The following NRG1 variants were observed in gnomAD, a reference collection of about 807,000 sequenced individuals.
NRG1 encodes the protein pro-neuregulin-1, membrane-bound isoform.
Under a neutral mutation model 63.8 loss-of-function variants are expected in NRG1, and 18 were observed. That is an observed-to-expected ratio of 0.28 (90% CI 0.19 to 0.42). The LOEUF is 0.42. Among genes scored for constraint, NRG1 ranks in the 10% least tolerant of loss-of-function variants. The pLI is 1.00. For synonymous variants in NRG1, 302 were observed against 301.3 expected (o/e 1.00, Z -0.02); for missense variants, 762 against 814.7 (o/e 0.94, Z 0.79).
intron 1 of NRG1, among the ~76,000 whole-genome samples, chr8:31,764,896 C>T (rs1463083245): frequency 8.2e-6 from 1 of 121,920 alleles, no homozygotes; most frequent in South Asian, 3.4e-4. Context: ...CCCCTCCCCC[C>T]ACCCCACAAG....
intron 1 of NRG1, among the ~76,000 whole-genome samples, chr8:32,565,196 G>A (rs1837222283): frequency 6.6e-6 from 1 of 151,980 alleles, no homozygotes; most frequent in African/African-American, 2.4e-5. Flanking sequence ...AGGACCATTG[G>A]GCTTGTCAAA....
chr8:32,448,034 A>T (rs765428701), intron 1 of NRG1, among the ~76,000 whole-genome samples: 4 of 152,180 alleles, frequency 2.6e-5, no homozygotes, highest in Admixed American at 1.3e-4. Flanking sequence ...TAGGTATTTC[A>T]TCTGAGTATA....
At chr8:31,770,794 T>TA (rs1161036149) in intron 1 of NRG1, among the ~76,000 whole-genome samples, 3 of 129,096 alleles carry the variant, frequency 2.3e-5, no homozygotes, top group Non-Finnish European at 5.2e-5. Context: ...TATATATATA[T>TA]ATACATATAT....
intron 1 of NRG1, among the ~76,000 whole-genome samples, chr8:32,483,190 AT>A (rs1214432714): frequency 1.3e-5 from 2 of 152,206 alleles, no homozygotes; most frequent in African/African-American, 4.8e-5. Context: ...CTTATAGTTC[AT>A]AATCTTAATC....
At chr8:32,049,794 A>G (rs995232211) in intron 1 of NRG1, among the ~76,000 whole-genome samples, 14 of 152,124 alleles carry the variant, frequency 9.2e-5, no homozygotes, top group African/African-American at 3.4e-4. Flanking sequence ...CATGGCCTGA[A>G]GTGGAGAATT....
chr8:32,266,879 CAAAAAAA>C (rs60715824), intron 1 of NRG1, among the ~76,000 whole-genome samples: 269 of 112,794 alleles, frequency 2.4e-3, no homozygotes, highest in African/African-American at 8.0e-3. Context: ...ACTAAAAATA[CAAAAAAA>C]AAAAAAAAAA....
At chr8:31,914,973 A>G (rs1372494237) in intron 1 of NRG1, among the ~76,000 whole-genome samples, 2 of 152,066 alleles carry the variant, frequency 1.3e-5, no homozygotes, top group East Asian at 3.9e-4. Context: ...TTAAATTCCC[A>G]CAATTATCAG....
intron 7 of NRG1, among the ~76,000 whole-genome samples, 170 bp from the exon 8 acceptor site, chr8:32,754,197 AAGCAT>A (rs1829246292): frequency 6.6e-6 from 1 of 152,164 alleles, no homozygotes; most frequent in Non-Finnish European, 1.5e-5. Context: ...TTTATGTTCA[AAGCAT>A]AGTGCAGAGC....
chr8:31,710,417 A>G (rs1811624140), intron 1 of NRG1, among the ~76,000 whole-genome samples: 2 of 151,944 alleles, frequency 1.3e-5, no homozygotes, highest in Non-Finnish European at 2.9e-5. Context: ...TGGTATATCA[A>G]ACATCCATAA....
At chr8:31,924,741 G>A (rs115848164) in intron 1 of NRG1, among the ~76,000 whole-genome samples, 1 of 150,740 alleles carries the variant, frequency 6.6e-6, no homozygotes, top group Non-Finnish European at 1.5e-5. Flanking sequence ...ATGCATGTTA[G>A]GCCGTAAGTT....
At position 32,763,345 on chromosome 8, in the gene NRG1, T is replaced by C. The variant is rs749912565; in HGVS notation, c.1260-403T>C. 5 of 1,613,992 alleles carry C rather than the reference T, an allele frequency of 3.1e-6. No homozygotes were observed. The South Asian group carries it at 5.5e-5, about 18-fold the overall frequency. ...TTTGGGCTTCATTCTCTAAGACCCC[T>C]TGGCCTTTAGGAAGGTATAGTATTT... On this transcript the variant is annotated intron_variant, in intron 11 of 11. Coordinates refer to ENST00000356819, the Ensembl canonical transcript of NRG1.
intron 1 of NRG1, among the ~76,000 whole-genome samples, chr8:31,805,859 A>G (rs1822230713): frequency 6.6e-6 from 1 of 151,586 alleles, no homozygotes; most frequent in Admixed American, 6.6e-5. Context: ...TGAAGCGAAT[A>G]CCATCTCTAC....
chr8:31,989,086 TA>T (rs1316428197), intron 1 of NRG1, among the ~76,000 whole-genome samples: 2 of 150,794 alleles, frequency 1.3e-5, no homozygotes, highest in African/African-American at 4.9e-5. Flanking sequence ...CTGTCTCTAC[TA>T]AAAATACAAA....
At chr8:31,892,688 G>A (rs1408497398) in intron 1 of NRG1, among the ~76,000 whole-genome samples, 6 of 151,934 alleles carry the variant, frequency 3.9e-5, no homozygotes, top group Admixed American at 2.0e-4. Context: ...TGTATATCAC[G>A]TTGGCCATTT....
At chr8:32,360,017 G>A (rs950629017) in intron 1 of NRG1, among the ~76,000 whole-genome samples, 3 of 152,178 alleles carry the variant, frequency 2.0e-5, no homozygotes, top group Admixed American at 2.0e-4. Context: ...ATGTGGTAAG[G>A]TAACCAGGAG....
chr8:32,601,084 G>C (rs1844272114), intron 2 of NRG1, among the ~76,000 whole-genome samples: 1 of 152,124 alleles, frequency 6.6e-6, no homozygotes, highest in African/African-American at 2.4e-5. Flanking sequence ...CCTTACTCTA[G>C]GACACAAGGC....
intron 1 of NRG1, among the ~76,000 whole-genome samples, chr8:32,310,032 G>A (rs533472819): frequency 4.6e-5 from 7 of 152,268 alleles, no homozygotes; most frequent in Non-Finnish European, 7.3e-5. Context: ...TCCCACAAGC[G>A]CGTGGCAGAG....
intron 1 of NRG1, among the ~76,000 whole-genome samples, chr8:32,225,317 T>C (rs569342643): frequency 3.0e-4 from 45 of 152,312 alleles, no homozygotes; most frequent in African/African-American, 1.1e-3. Flanking sequence ...TAATATCATA[T>C]GCCTAATAGC....
At position 31,650,500 on chromosome 8, in the gene NRG1, G is replaced by A. The variant is rs1278623377; in HGVS notation, c.37+11069G>A. 2.6e-5 allele frequency among the ~76,000 whole-genome samples: 4 copies of A among 151,976 alleles called. No individual in the cohort carries two copies. The East Asian group carries it at 5.8e-4, about 22-fold the overall frequency. ...TTACATATGCCATTTCCTCTGCCTC[G>A]ATCTTCTTCCACCCTCATTTCTACC... On this transcript the variant is annotated intron_variant, in intron 1 of 10. Coordinates refer to the NRG1 transcript ENST00000519301.
Sources: allele counts gnomAD v4.1 joint callset (sites outside exome capture counted in the v4.1 genomes callset), GRCh38; gene constraint gnomAD v4.1.1; transcripts MANE v1.5; gene names NCBI Gene and HGNC (gene_info 2026-07-23, HGNC 2026-07-21).